GBE1: variants seen among roughly 807,000 people sequenced by gnomAD.
GBE1 encodes the protein 1,4-alpha-glucan-branching enzyme.
GBE1 carries 70 observed loss-of-function variants against 88.8 expected under a neutral mutation model. The ratio of observed to expected loss-of-function variants is 0.79; its 90% confidence interval spans 0.65 to 0.96. The LOEUF is 0.96. Ranked by LOEUF, GBE1 falls within the 40% of genes least tolerant of loss-of-function variation. The pLI is 0.00. For synonymous variants in GBE1, 284 were observed against 300.1 expected (o/e 0.95, Z 0.56); for missense variants, 872 against 871.0 (o/e 1.00, Z -0.01).
intron 14 of GBE1, among the ~76,000 whole-genome samples, chr3:81,512,872 T>C (rs935647001): frequency 6.6e-6 from 1 of 151,776 alleles, no homozygotes; most frequent in Non-Finnish European, 1.5e-5. Context: ...AAAATAAGCT[T>C]GTATTTCAGA....
Position 81,705,368 on chromosome 3 carries a change from C to G in GBE1, c.313+76G>C. 5 of 1,066,894 alleles carry G rather than the reference C, an allele frequency of 4.7e-6. No homozygotes were observed. The South Asian group carries it at 9.4e-5, about 20-fold the overall frequency. The allele number at this position is 1,066,894 out of a possible 1,614,324, so 66.1% of individuals were successfully genotyped here. ...TCATTAAAGTTCATATGGTTAAATA[C>G]ATGAAATATAAGAAATATATGTATT... On this transcript the variant is annotated intron_variant, in intron 2 of 15. Transcript: ENST00000429644.
chr3:81,696,041 C>G (rs1347945154), intron 2 of GBE1, among the ~76,000 whole-genome samples: 3 of 151,872 alleles, frequency 2.0e-5, no homozygotes, highest in Admixed American at 2.0e-4. Context: ...TTTCCGCCCC[C>G]CCAAGATCTA....
chr3:81,619,209 G>T lies in GBE1; in HGVS notation c.992+23572C>A, dbSNP rs147690393. Among the ~76,000 whole-genome samples the T allele has an allele frequency of 2.8e-3, 430 of 152,046 alleles. 1 individual carries two copies. The highest frequency in any genetic ancestry group is 5.6e-3 in the South Asian group (27 of 4,814). ...CCCCTCAGCACCATGGCTAAACTAT[G>T]CATGTAGTATTCATTCTATAAAAAA... On this transcript the variant is annotated intron_variant, in intron 7 of 15. Transcript: ENST00000429644.
intron 6 of GBE1, among the ~76,000 whole-genome samples, 156 bp from the exon 7 acceptor site, chr3:81,643,146 TCAAATA>T (rs1704714569): frequency 6.6e-6 from 1 of 152,130 alleles, no homozygotes; most frequent in East Asian, 1.9e-4. Context: ...TTGCTTAATA[TCAAATA>T]TTAAGCAAAT....
chr3:81,656,993 T>C (rs554098081), intron 3 of GBE1, among the ~76,000 whole-genome samples: 2 of 152,042 alleles, frequency 1.3e-5, no homozygotes, highest in Admixed American at 1.3e-4. Flanking sequence ...CCGTCTCTAC[T>C]AAAAATACAA....
chr3:81,634,352 A>C (rs1462116463), intron 7 of GBE1, among the ~76,000 whole-genome samples: 4 of 152,252 alleles, frequency 2.6e-5, no homozygotes, highest in African/African-American at 9.6e-5. Context: ...GCTTGGTTCA[A>C]GAGCAGAGAG....
At chr3:81,701,478 C>T (rs1338224158) in intron 2 of GBE1, among the ~76,000 whole-genome samples, 1 of 151,528 alleles carries the variant, frequency 6.6e-6, no homozygotes, top group East Asian at 1.9e-4. Flanking sequence ...CAGTAATTTT[C>T]TGAAATAAAT....
chr3:81,657,748 A>C (rs1704962453), intron 3 of GBE1, among the ~76,000 whole-genome samples: 7 of 152,128 alleles, frequency 4.6e-5, no homozygotes, highest in Admixed American at 3.3e-4. Flanking sequence ...TGGATAATAA[A>C]GTTCATATAT....
chr3:81,580,115 G>C (rs940017705), intron 11 of GBE1, among the ~76,000 whole-genome samples: 2 of 152,028 alleles, frequency 1.3e-5, no homozygotes, highest in African/African-American at 4.8e-5. Context: ...AACTTATTTA[G>C]TTTCAATTTT....
At chr3:81,576,344 T>C (rs193025113) in intron 12 of GBE1, among the ~76,000 whole-genome samples, 1 of 152,294 alleles carries the variant, frequency 6.6e-6, no homozygotes, top group Admixed American at 6.5e-5. Flanking sequence ...AAAGCAGTTA[T>C]CATCTTCTAT....
intron 2 of GBE1, among the ~76,000 whole-genome samples, chr3:81,695,298 CA>C (rs1359789335): frequency 2.0e-5 from 3 of 152,182 alleles, no homozygotes; most frequent in African/African-American, 7.2e-5. Flanking sequence ...ACTACCTATA[CA>C]GTGTAATTTT....
At chr3:81,679,084 T>C (rs955522209) in intron 2 of GBE1, among the ~76,000 whole-genome samples, 1 of 152,116 alleles carries the variant, frequency 6.6e-6, no homozygotes, top group Non-Finnish European at 1.5e-5. Context: ...TAAATATTGA[T>C]AAGTGTCAAA....
rs1277328500 is a variant in GBE1 at position 81,642,911 on chromosome 3, C to CCA, written c.860_861dup (p.Val288TrpfsTer14). The CCA allele has an allele frequency of 1.2e-6, 2 of 1,612,678 alleles. No individual in the cohort carries two copies. The highest frequency in any genetic ancestry group is 2.7e-5 in the African/African-American group (2 of 74,950). ...GAATTTTTTGAAGCATGGCTGTGTA[C>CCA]CACATCTAAGAGGACTATGATACCC... On this transcript the variant is annotated frameshift_variant, in exon 7 of 16. Coordinates refer to ENST00000429644, the MANE Select transcript of GBE1 (RefSeq NM_000158.4). LOFTEE classifies it high-confidence loss of function.
intron 12 of GBE1, among the ~76,000 whole-genome samples, chr3:81,576,179 T>C (rs926074382): frequency 2.0e-5 from 3 of 151,770 alleles, no homozygotes; most frequent in Non-Finnish European, 2.9e-5. Context: ...CTAATAAACA[T>C]TTTATTACAT....
chr3:81,690,828 T>C (rs1705509305), intron 2 of GBE1, among the ~76,000 whole-genome samples: 1 of 152,200 alleles, frequency 6.6e-6, no homozygotes, highest in Admixed American at 6.5e-5. Context: ...ATTTTATTTA[T>C]GATTCCCTTT....
chr3:81,706,100 TCA>T (rs1015799918), intron 1 of GBE1, among the ~76,000 whole-genome samples: 25 of 152,274 alleles, frequency 1.6e-4, no homozygotes, highest in African/African-American at 5.5e-4. Context: ...ATGGTCTCTG[TCA>T]CAGCTACTCG....
chr3:81,650,858 T>C (rs1427986884), intron 3 of GBE1, among the ~76,000 whole-genome samples: 1 of 152,062 alleles, frequency 6.6e-6, no homozygotes, highest in Admixed American at 6.5e-5. Context: ...GGTTTTTTTG[T>C]AGAAATGGGG....
chr3:81,499,204 T>C lies in GBE1; in HGVS notation c.1958A>G (p.Asp653Gly). 6.2e-7 allele frequency: 1 copy of C among 1,609,354 alleles called. No homozygotes were observed. The highest frequency in any genetic ancestry group is 8.5e-7 in the Non-Finnish European group (1 of 1,176,822). Residue 653 changes from aspartate to glycine, a missense_variant, in exon 15 of 16, where the codon GAT becomes GGT. Coordinates refer to ENST00000429644, the MANE Select transcript of GBE1 (RefSeq NM_000158.4). ...PGKFKIVLDS[D>G]AAEYGGHQRL... ...CTGATGCCCTCCATATTCCGCTGCA[T>C]CTGAATCTAGCACAATTTTGAATGT...
rs181853203 is a variant in GBE1 at position 81,611,240 on chromosome 3, G to A, written c.993-17217C>T. Among the ~76,000 whole-genome samples the A allele has an allele frequency of 1.6e-3, 247 of 152,208 alleles. 2 individuals carry two copies. The highest frequency in any genetic ancestry group is 1.0e-3 in the Non-Finnish European group (70 of 68,016). On this transcript the variant is annotated intron_variant, in intron 7 of 15. Transcript: ENST00000429644. ...ATGTGGCGGATGCATTCCTGTACTG[G>A]GCAATGGCTAAGAAATTTCTGACTA...
Sources: allele counts gnomAD v4.1 joint callset (sites outside exome capture counted in the v4.1 genomes callset), GRCh38; gene constraint gnomAD v4.1.1; transcripts MANE v1.5; gene names NCBI Gene and HGNC (gene_info 2026-07-23, HGNC 2026-07-21).